USP40: variants seen among roughly 807,000 people sequenced by gnomAD.
USP40 encodes the protein ubiquitin carboxyl-terminal hydrolase 40.
In USP40, 143 loss-of-function variants were observed where a neutral mutation model predicts 166.2. That is an observed-to-expected ratio of 0.86 (90% CI 0.75 to 0.99). The LOEUF is 0.99. Ranked by LOEUF, USP40 falls within the 50% of genes least tolerant of loss-of-function variation. USP40 has a pLI of 0.00. For missense variants in USP40, 1,444 were observed against 1,479.7 expected (o/e 0.98, Z 0.40); for synonymous variants, 498 against 524.0 (o/e 0.95, Z 0.68).
At chr2:233,539,328 C>A (rs192434549) in intron 10 of USP40, among the ~76,000 whole-genome samples, 3 of 152,062 alleles carry the variant, frequency 2.0e-5, no homozygotes, top group African/African-American at 7.2e-5. Context: ...TTAGTGAACA[C>A]AGAACATTGA....
At chr2:233,555,906 A>C (rs1327844276) in intron 5 of USP40, among the ~76,000 whole-genome samples, 1 of 152,074 alleles carries the variant, frequency 6.6e-6, no homozygotes, top group African/African-American at 2.4e-5. Flanking sequence ...TGAGGTCAGG[A>C]GATCGAGACC....
At chr2:233,488,854 C>A (rs533409998) in intron 27 of USP40, among the ~76,000 whole-genome samples, 10 of 152,140 alleles carry the variant, frequency 6.6e-5, no homozygotes, top group African/African-American at 1.9e-4. Flanking sequence ...TGTAGTTGAG[C>A]CATGATCACG....
intron 24 of USP40, among the ~76,000 whole-genome samples, chr2:233,496,363 C>T (rs987051200): frequency 3.3e-5 from 5 of 152,164 alleles, no homozygotes; most frequent in Non-Finnish European, 5.9e-5. Flanking sequence ...TTAGGAATTC[C>T]ACATTTAGAA....
intron 17 of USP40, among the ~76,000 whole-genome samples, chr2:233,520,371 C>T (rs1010096482): frequency 2.0e-5 from 3 of 151,838 alleles, no homozygotes; most frequent in Non-Finnish European, 4.4e-5. Flanking sequence ...TATTAACACA[C>T]TTTAAGAAAT....
At chr2:233,527,227 A>G (rs1357702963) in intron 13 of USP40, among the ~76,000 whole-genome samples, 180 bp downstream of exon 13, 1 of 152,182 alleles carries the variant, frequency 6.6e-6, no homozygotes, top group African/African-American at 2.4e-5. Flanking sequence ...AGCTGTGGAG[A>G]AAAGCCTCTC....
Position 233,485,896 on chromosome 2 carries a change from G to A in USP40, c.3279C>T (p.Asn1093=), listed in dbSNP as rs367756872. The part of the protein sequence containing the change: ...TYAPALDLVW[N]AAQGGTAGSL... ...AGCCGGCAGTCCCACCCTGGGCCGC[G>A]TTCCACACCAGGTCCAGGGCAGGGG... Residue 1093 remains asparagine, a synonymous_variant, in exon 29 of 32, where the codon AAC becomes AAT. Transcript: ENST00000678225. 6.4e-5 allele frequency: 102 copies of A among 1,603,618 alleles called. No homozygotes were observed. The highest frequency in any genetic ancestry group is 8.3e-5 in the Non-Finnish European group (98 of 1,175,572).
chr2:233,517,327 C>G (rs2067269473), intron 18 of USP40, among the ~76,000 whole-genome samples: 1 of 151,530 alleles, frequency 6.6e-6, no homozygotes, highest in South Asian at 2.1e-4. Flanking sequence ...TACTGGGTAT[C>G]TACCCAGAAG....
At position 233,480,911 on chromosome 2, in the gene USP40, G is replaced by A. The variant is rs544241481; in HGVS notation, c.3599+292C>T. Among the ~76,000 whole-genome samples the A allele has an allele frequency of 1.6e-4, 24 of 152,298 alleles. No individual in the cohort carries two copies. In the South Asian group the frequency reaches 4.8e-3, roughly 30 times the overall value. ...GAAAGCCAAGAGCCAGGCAGAGGGT[G>A]AGGCTGCGGGTGAGGAGGAAGGAGG... On this transcript the variant is annotated intron_variant, in intron 31 of 31. Transcript: ENST00000678225. This position sits in a 1 kb window ranked among gnomAD's most constrained non-coding sequence, Gnocchi z 4.5.
Position 233,556,839 on chromosome 2 carries a change from A to C in USP40, c.546+16T>G, listed in dbSNP as rs1575345313. ...TTACAACATAACTTATTACTAAAAT[A>C]CTCTGGCATATTTACCTGCCTCTCG... On this transcript the variant is annotated intron_variant, in intron 5 of 31. Transcript: ENST00000678225. The C allele has an allele frequency of 1.2e-6, 2 of 1,603,468 alleles. No homozygotes were observed. The highest frequency in any genetic ancestry group is 1.3e-5 in the African/African-American group (1 of 74,518).
chr2:233,529,283 T>C (rs2068303669), intron 12 of USP40, 148 bp downstream of exon 12: 2 of 595,128 alleles, frequency 3.4e-6, no homozygotes, highest in East Asian at 3.0e-5. Context: ...TTACCCTCAC[T>C]ATAAAAATTC....
chr2:233,478,608 C>CA (rs1346441446), intron 31 of USP40, among the ~76,000 whole-genome samples: 4 of 152,220 alleles, frequency 2.6e-5, no homozygotes, highest in Admixed American at 2.6e-4. Flanking sequence ...GATATATCCA[C>CA]ATCTGTACTG....
At chr2:233,564,867 G>A (rs574147069) in intron 2 of USP40, among the ~76,000 whole-genome samples, 3 of 152,224 alleles carry the variant, frequency 2.0e-5, no homozygotes, top group South Asian at 4.1e-4. Flanking sequence ...AGCCAAACAA[G>A]CTCAGGTGAG....
At chr2:233,482,616 G>T (rs76402936) in intron 30 of USP40, among the ~76,000 whole-genome samples, 1 of 142,644 alleles carries the variant, frequency 7.0e-6, no homozygotes, top group Non-Finnish European at 1.5e-5. Context: ...TTTGACACAC[G>T]GTCTGACTCT....
intron 26 of USP40, among the ~76,000 whole-genome samples, chr2:233,490,242 C>T (rs963348116): frequency 2.8e-5 from 4 of 145,154 alleles, no homozygotes; most frequent in Non-Finnish European, 6.0e-5. Flanking sequence ...CAGCTCATTG[C>T]AACCTCCCTG....
intron 2 of USP40, 85 bp from the exon 3 acceptor site, chr2:233,562,888 T>C: frequency 1.1e-6 from 1 of 951,366 alleles, no homozygotes; most frequent in Non-Finnish European, 1.5e-6. Context: ...CACCTTTAAG[T>C]AAAATCAAGT....
chr2:233,550,352 T>C (rs2070439080), intron 7 of USP40, among the ~76,000 whole-genome samples: 1 of 152,158 alleles, frequency 6.6e-6, no homozygotes, highest in East Asian at 1.9e-4. Context: ...CATCAAAGTA[T>C]GTTAAAAATC....
At chr2:233,531,075 C>T (rs2068487256) in intron 11 of USP40, among the ~76,000 whole-genome samples, 1 of 152,070 alleles carries the variant, frequency 6.6e-6, no homozygotes, top group Admixed American at 6.5e-5. Flanking sequence ...TTAGTTATTT[C>T]CCTAGCAAAT....
In USP40 at chr2:233,566,687, C is replaced by T. The variant is rs941328272; in HGVS notation, c.-23G>A. On this transcript the variant is annotated 5_prime_UTR_variant, in exon 1 of 32. The change abolishes the stop of an existing upstream ORF in the 5' untranslated region. Transcript: ENST00000678225. ...CCCGGGCGCCAGCCGCACTTACTGC[C>T]TAAAGCCCAGACCCCCGCCCTGGCC... is the stretch of plus-strand genomic sequence containing the variant. The T allele has an allele frequency of 1.4e-5, 14 of 986,044 alleles. No individual in the cohort carries two copies. The highest frequency in any genetic ancestry group is 4.7e-5 in the South Asian group (1 of 21,296). 61.1% of individuals were successfully genotyped at this position (986,044 alleles called of 1,614,324 possible).
chr2:233,558,260 T>C (rs2071275577), intron 4 of USP40, among the ~76,000 whole-genome samples: 1 of 151,524 alleles, frequency 6.6e-6, no homozygotes, highest in Admixed American at 6.6e-5. Context: ...TTCTGCAAGA[T>C]CTTATTTAGA....
Sources: gnomAD v4.1 joint callset for allele counts (sites outside exome capture counted in the v4.1 genomes callset) on GRCh38, gnomAD v4.1.1 for gene constraint, Gnocchi (gnomAD v3.1) non-coding constraint, MANE v1.5 for transcripts, NCBI Gene and HGNC (gene_info 2026-07-23, HGNC 2026-07-21) for gene names.